OXR1: variants seen among roughly 807,000 people sequenced by gnomAD.
OXR1 encodes the protein oxidation resistance 1.
Under a neutral mutation model 104.6 loss-of-function variants are expected in OXR1, and 41 were observed. That is an observed-to-expected ratio of 0.39 (90% CI 0.31 to 0.51). OXR1 has a LOEUF of 0.51. Among genes scored for constraint, OXR1 ranks in the 20% least tolerant of loss-of-function variants. The pLI, the probability that OXR1 is intolerant of heterozygous loss-of-function variation, is 0.77. For synonymous variants in OXR1, 348 were observed against 348.4 expected (o/e 1.00, Z 0.01); for missense variants, 955 against 1,031.9 (o/e 0.93, Z 1.02).
chr8:106,498,667 G>A (rs1811571535), intron 2 of OXR1, among the ~76,000 whole-genome samples: 1 of 152,138 alleles, frequency 6.6e-6, no homozygotes, highest in African/African-American at 2.4e-5. Flanking sequence ...GTGGGCGTGT[G>A]TGCTTGTAAG....
intron 2 of OXR1, among the ~76,000 whole-genome samples, chr8:106,461,033 G>A (rs1248724472): frequency 6.6e-6 from 1 of 152,040 alleles, no homozygotes; most frequent in Admixed American, 6.6e-5. Flanking sequence ...CTGAAGGAAA[G>A]AACACTAGGG....
intron 2 of OXR1, among the ~76,000 whole-genome samples, chr8:106,442,038 T>C (rs1220466516): frequency 6.6e-6 from 1 of 152,214 alleles, no homozygotes; most frequent in Admixed American, 6.5e-5. Flanking sequence ...CAATATGATA[T>C]TGGCTGTGTG....
chr8:106,309,635 AT>A (rs1320044604), intron 1 of OXR1, among the ~76,000 whole-genome samples: 1 of 151,570 alleles, frequency 6.6e-6, no homozygotes, highest in Non-Finnish European at 1.5e-5. Context: ...GCAGTAAATT[AT>A]TTTTTCCTTT....
At chr8:106,745,590 A>T (rs1423230121) in intron 15 of OXR1, among the ~76,000 whole-genome samples, 199 bp from the exon 16 acceptor site, 1 of 152,188 alleles carries the variant, frequency 6.6e-6, no homozygotes, top group East Asian at 1.9e-4. Flanking sequence ...AAGTTAAGTG[A>T]TAGAGTGTGT....
chr8:106,530,119 G>T (rs1156353859), intron 3 of OXR1, among the ~76,000 whole-genome samples: 1 of 152,092 alleles, frequency 6.6e-6, no homozygotes, highest in Non-Finnish European at 1.5e-5. Context: ...AGAACTAATG[G>T]CGATTTGAAC....
chr8:106,531,332 A>G (rs1014841065), intron 3 of OXR1, among the ~76,000 whole-genome samples: 16 of 152,196 alleles, frequency 1.1e-4, no homozygotes, highest in Non-Finnish European at 5.9e-5. Flanking sequence ...AACACTATGG[A>G]TTAGGCATAT....
chr8:106,526,755 G>A lies in OXR1; in HGVS notation c.220+7616G>A, dbSNP rs548210954. ...AGACAGGTTTTCACTGTGTTAGCCAGGATGGTCTCTATCTCCTGACTTCGT... is the reference window on the plus strand; with the variant it reads ...AGACAGGTTTTCACTGTGTTAGCCAAGATGGTCTCTATCTCCTGACTTCGT... On this transcript the variant is annotated intron_variant, in intron 3 of 16. Transcript: ENST00000517566. 1.2e-4 allele frequency among the ~76,000 whole-genome samples: 18 copies of A among 152,326 alleles called. No individual in the cohort carries two copies. In the South Asian group the frequency reaches 2.5e-3, roughly 21 times the overall value.
chr8:106,333,493 A>G (rs1330141600), intron 1 of OXR1, among the ~76,000 whole-genome samples: 1 of 151,990 alleles, frequency 6.6e-6, no homozygotes, highest in African/African-American at 2.4e-5. Flanking sequence ...TTGAACTCCA[A>G]CTTACCTTTT....
Position 106,742,380 on chromosome 8 carries a change from A to C in OXR1, c.2412+63A>C, listed in dbSNP as rs28924690. The C allele has an allele frequency of 2.7e-4, 241 of 900,932 alleles. 1 individual carries two copies. In the African/African-American group the frequency reaches 3.8e-3, roughly 14 times the overall value. The allele number at this position is 900,932 out of a possible 1,614,324, so 55.8% of individuals were successfully genotyped here. A position where few individuals can be genotyped will look rare whatever the true frequency, so the allele number is the denominator to read the frequency against. ...TTGACATAACATACTGCCCAAAGCA[A>C]TTTATAGATTCAGTGCTATTCCCAT... On this transcript the variant is annotated intron_variant, in intron 15 of 16. Coordinates refer to ENST00000517566, the MANE Select transcript of OXR1 (RefSeq NM_001198533.2).
intron 3 of OXR1, among the ~76,000 whole-genome samples, chr8:106,602,987 G>A (rs758998364): frequency 6.6e-6 from 1 of 151,898 alleles, no homozygotes; most frequent in Non-Finnish European, 1.5e-5. Flanking sequence ...TCCTCATAAT[G>A]GTATATAAGA....
intron 2 of OXR1, among the ~76,000 whole-genome samples, chr8:106,508,897 CTTGA>C (rs1192105398): frequency 6.6e-6 from 1 of 152,166 alleles, no homozygotes; most frequent in Non-Finnish European, 1.5e-5. Context: ...CAGAAGCTAT[CTTGA>C]TTAAGTTTGG....
chr8:106,523,853 C>A (rs576439478), intron 3 of OXR1, among the ~76,000 whole-genome samples: 1 of 151,900 alleles, frequency 6.6e-6, no homozygotes, highest in East Asian at 1.9e-4. Flanking sequence ...CGGCTCACTG[C>A]AAGCTCTACC....
At chr8:106,407,632 T>C (rs1325300245) in intron 2 of OXR1, among the ~76,000 whole-genome samples, 1 of 152,106 alleles carries the variant, frequency 6.6e-6, no homozygotes, top group African/African-American at 2.4e-5. Flanking sequence ...GCCAGTACTG[T>C]TATTTATTAC....
At chr8:106,597,711 C>A (rs368809244) in intron 3 of OXR1, among the ~76,000 whole-genome samples, 25 of 152,280 alleles carry the variant, frequency 1.6e-4, no homozygotes, top group African/African-American at 5.8e-4. Context: ...ATGAAGCTTA[C>A]AGGTTTGCTT....
chr8:106,653,276 AC>A (rs1824774870), intron 3 of OXR1, among the ~76,000 whole-genome samples: 3 of 151,748 alleles, frequency 2.0e-5, no homozygotes, highest in Non-Finnish European at 4.4e-5. Context: ...GGCCAGTATT[AC>A]CCAAATACCA....
At chr8:106,377,696 G>A (rs963988139) in intron 2 of OXR1, among the ~76,000 whole-genome samples, 7 of 152,036 alleles carry the variant, frequency 4.6e-5, no homozygotes, top group Admixed American at 4.6e-4. Context: ...TTTTTTTTAA[G>A]CAGCGAATGC....
chr8:106,350,200 C>T (rs968419668), intron 1 of OXR1, among the ~76,000 whole-genome samples: 9 of 152,084 alleles, frequency 5.9e-5, no homozygotes, highest in African/African-American at 1.4e-4. Context: ...ATGAGATCAA[C>T]GCACAGGGAC....
chr8:106,659,542 G>A (rs1270193890), intron 3 of OXR1, among the ~76,000 whole-genome samples: 1 of 152,208 alleles, frequency 6.6e-6, no homozygotes, highest in African/African-American at 2.4e-5. Context: ...GGACTTTAAA[G>A]TGTTCAAATC....
chr8:106,750,157 C>CAAA (rs35035369), intron 16 of OXR1, among the ~76,000 whole-genome samples: 1 of 145,220 alleles, frequency 6.9e-6, no homozygotes. Context: ...CACACATACA[C>CAAA]AAAAAAAAAA....
Sources: allele counts gnomAD v4.1 joint callset (sites outside exome capture counted in the v4.1 genomes callset), GRCh38; gene constraint gnomAD v4.1.1; transcripts MANE v1.5; gene names NCBI Gene and HGNC (gene_info 2026-07-23, HGNC 2026-07-21).